TEX11: variants seen among roughly 807,000 people sequenced by gnomAD.
TEX11 encodes the protein testis-expressed protein 11.
A neutral mutation model predicts 84.4 loss-of-function variants in TEX11; 7 were observed. That is an observed-to-expected ratio of 0.08 (90% CI 0.05 to 0.16). TEX11 has a LOEUF of 0.16. TEX11 is among the 10% of genes least tolerant of loss of function. The pLI, the probability that TEX11 is intolerant of heterozygous loss-of-function variation, is 1.00. For synonymous variants in TEX11, 264 were observed against 222.8 expected (o/e 1.18, Z -1.64); for missense variants, 551 against 660.5 (o/e 0.83, Z 1.82).
chrX:70,796,736 A>G (rs946252114), intron 9 of TEX11, among the ~76,000 whole-genome samples: 3 of 112,368 alleles, frequency 2.7e-5, no homozygotes, highest in Non-Finnish European at 5.6e-5. Context: ...AATACCCAGA[A>G]TCTTTAAGGA....
At chrX:70,861,248 A>G (rs1436187646) in intron 4 of TEX11, among the ~76,000 whole-genome samples, 1 of 104,814 alleles carries the variant, frequency 9.5e-6, no homozygotes, top group Non-Finnish European at 2.0e-5. Flanking sequence ...TTTTTAGTAG[A>G]GACGGGGTTT....
intron 7 of TEX11, among the ~76,000 whole-genome samples, chrX:70,849,722 A>C (rs955264264): frequency 1.3e-4 from 15 of 112,197 alleles, no homozygotes; most frequent in African/African-American, 4.8e-4. Flanking sequence ...AGCAAAAGGA[A>C]TTAGCCTTCA....
intron 8 of TEX11, among the ~76,000 whole-genome samples, chrX:70,820,890 C>G (rs1569449406): frequency 9.0e-6 from 1 of 111,698 alleles, no homozygotes; most frequent in East Asian, 2.8e-4. Flanking sequence ...ATACCTGAAA[C>G]CGTAAAACTT....
chrX:70,658,539 A>G (rs2089895872), intron 16 of TEX11, among the ~76,000 whole-genome samples: 1 of 112,423 alleles, frequency 8.9e-6, no homozygotes, highest in African/African-American at 3.2e-5. Flanking sequence ...AAGACTAACA[A>G]GAAGAAAGTC....
At chrX:70,676,065 A>G (rs2090069510) in intron 15 of TEX11, among the ~76,000 whole-genome samples, 1 of 112,068 alleles carries the variant, frequency 8.9e-6, no homozygotes, top group African/African-American at 3.2e-5. Context: ...TATAGCATGT[A>G]TCAGAAGTCC....
intron 9 of TEX11, among the ~76,000 whole-genome samples, chrX:70,766,972 AG>A (rs1406782678): frequency 8.9e-6 from 1 of 112,173 alleles, no homozygotes; most frequent in Non-Finnish European, 1.9e-5. Flanking sequence ...AAATAAAAAT[AG>A]ATTAAAGACT....
chrX:70,581,354 A>G (rs1176270404), intron 25 of TEX11, among the ~76,000 whole-genome samples: 1 of 91,297 alleles, frequency 1.1e-5, no homozygotes, highest in Non-Finnish European at 2.1e-5. Flanking sequence ...GCTGGAGTGC[A>G]GTGGCGTGAT....
intron 4 of TEX11, among the ~76,000 whole-genome samples, chrX:70,861,808 T>C (rs1444638245): frequency 9.1e-6 from 1 of 110,488 alleles, no homozygotes; most frequent in African/African-American, 3.3e-5. Flanking sequence ...TCTTAAGGTC[T>C]TAAGTCCCAA....
At chrX:70,517,311 A>T in the TEX11 span, among the ~76,000 whole-genome samples, 1 of 112,022 alleles carries the variant, frequency 8.9e-6, no homozygotes, top group South Asian at 3.7e-4. Context: ...TACCTAGTTT[A>T]TTGAGAGTTT....
chrX:70,544,219 A>G (rs2088084970), intron 28 of TEX11, among the ~76,000 whole-genome samples: 1 of 111,936 alleles, frequency 8.9e-6, no homozygotes, highest in Non-Finnish European at 1.9e-5. Flanking sequence ...TTTCTTAATA[A>G]TAAATTAACT....
chrX:70,715,401 C>T (rs1449021194), intron 13 of TEX11, among the ~76,000 whole-genome samples: 1 of 111,971 alleles, frequency 8.9e-6, no homozygotes, highest in Non-Finnish European at 1.9e-5. Flanking sequence ...AACTTGGTTC[C>T]ATTCTCCCCG....
chrX:70,664,544 C>A (rs772753843), intron 16 of TEX11, among the ~76,000 whole-genome samples: 6 of 111,531 alleles, frequency 5.4e-5, no homozygotes, highest in Admixed American at 9.5e-5. Flanking sequence ...ATGGTACATA[C>A]CACACAATGA....
intron 18 of TEX11, among the ~76,000 whole-genome samples, chrX:70,625,944 C>T (rs1319061089): frequency 9.1e-6 from 1 of 110,001 alleles, no homozygotes; most frequent in Non-Finnish European, 1.9e-5. Context: ...GATGGGGTTT[C>T]ACCATGTTGG....
chrX:70,558,694 A>G (rs138252239), intron 25 of TEX11, among the ~76,000 whole-genome samples: 223 of 111,962 alleles, frequency 2.0e-3, no homozygotes, highest in African/African-American at 7.0e-3. Flanking sequence ...TCTAGAATAC[A>G]TAAATAACTC....
chrX:70,724,192 T>C, intron 12 of TEX11: 1 of 753,564 alleles, frequency 1.3e-6, no homozygotes, highest in Non-Finnish European at 1.6e-6. Context: ...AGTGTATTAT[T>C]TTAGTTGGTT....
At chrX:70,598,851 C>A (rs73542414) in intron 24 of TEX11, among the ~76,000 whole-genome samples, 9,286 of 111,733 alleles carry the variant, frequency 0.083, 852 homozygotes, top group African/African-American at 0.27. Context: ...CTGGAATAGG[C>A]AAGCCTATAT....
intron 28 of TEX11, among the ~76,000 whole-genome samples, chrX:70,549,230 T>C (rs2088180039): frequency 9.0e-6 from 1 of 110,639 alleles, no homozygotes; most frequent in Non-Finnish European, 1.9e-5. Flanking sequence ...GCTGACTAAA[T>C]AGCACTTTGG....
Position 70,591,012 on chromosome X carries a change from G to A in TEX11, c.2140+739C>T, listed in dbSNP as rs926142439. 4.5e-5 allele frequency among the ~76,000 whole-genome samples: 5 copies of A among 111,374 alleles called. No individual in the cohort carries two copies. In the East Asian group the frequency reaches 1.4e-3, roughly 32 times the overall value. Reference sequence around the variant, plus strand: ...GATCTGTCCGCCTCGGCCTCCCAAAGTGCTGGGATTACAGGCGTGAGCCAC... The same window carrying A: ...GATCTGTCCGCCTCGGCCTCCCAAAATGCTGGGATTACAGGCGTGAGCCAC... On this transcript the variant is annotated intron_variant, in intron 25 of 29. Transcript: ENST00000374333.
chrX:70,812,458 C>T (rs748799132), intron 8 of TEX11, among the ~76,000 whole-genome samples: 2 of 110,891 alleles, frequency 1.8e-5, no homozygotes, highest in African/African-American at 3.3e-5. Flanking sequence ...CTGCCCGTCT[C>T]GGCCTCCCAA....
Sources: gnomAD v4.1 joint callset for allele counts (sites outside exome capture counted in the v4.1 genomes callset) on GRCh38, gnomAD v4.1.1 for gene constraint, MANE v1.5 for transcripts, NCBI Gene and HGNC (gene_info 2026-07-23, HGNC 2026-07-21) for gene names.